MTMR8: variants seen among roughly 807,000 people sequenced by gnomAD.
MTMR8 encodes myotubularin related protein 8.
A neutral mutation model predicts 39.3 loss-of-function variants in MTMR8; 65 were observed. The observed-to-expected ratio is 1.65, with a 90% CI of 1.35 to 2.03. The LOEUF (loss-of-function observed/expected upper bound fraction) is 2.03, where lower values mean the gene tolerates loss of function less well. MTMR8 is among the 30% of genes most tolerant of loss of function. MTMR8 has a pLI of 0.00. For missense variants in MTMR8, 777 were observed against 538.9 expected (o/e 1.44, Z -4.37); for synonymous variants, 245 against 185.2 (o/e 1.32, Z -2.62).
In MTMR8 at chrX:64,280,186, T is replaced by C. The variant is rs190262433; in HGVS notation, c.1482-9113A>G. On this transcript the variant is annotated intron_variant, in intron 12 of 13. Coordinates refer to ENST00000374852, the MANE Select transcript of MTMR8 (RefSeq NM_017677.4). The stretch of plus-strand genomic sequence containing the variant: ...CAATTGAAAAGGAACGACTTCTCCT[T>C]AACTCACTTTATGAGGCCAGCATCA... 2.2e-3 allele frequency among the ~76,000 whole-genome samples: 241 copies of C among 112,009 alleles called. 1 individual carries two copies. The highest frequency in any genetic ancestry group is 3.1e-3 in the Non-Finnish European group (166 of 53,207).
chrX:64,318,094 G>A (rs929613846), intron 12 of MTMR8, among the ~76,000 whole-genome samples: 20 of 112,371 alleles, frequency 1.8e-4, no homozygotes, highest in African/African-American at 6.2e-4. Flanking sequence ...CAAGTGGGGA[G>A]GGGAAGAGTT....
chrX:64,361,547 T>C (rs776164308), intron 1 of MTMR8, among the ~76,000 whole-genome samples: 20 of 111,497 alleles, frequency 1.8e-4, no homozygotes, highest in Admixed American at 1.1e-3. Context: ...AATGTCAACG[T>C]AATACATCAC....
intron 12 of MTMR8, among the ~76,000 whole-genome samples, chrX:64,324,007 A>G (rs1922722476): frequency 8.9e-6 from 1 of 112,931 alleles, no homozygotes; most frequent in Non-Finnish European, 1.9e-5. Context: ...AAAGGAATTA[A>G]ACATTTTAAA....
intron 1 of MTMR8, among the ~76,000 whole-genome samples, chrX:64,380,972 A>T (rs182877750): frequency 8.9e-6 from 1 of 111,867 alleles, no homozygotes; most frequent in Non-Finnish European, 1.9e-5. Flanking sequence ...TATGTGCCAC[A>T]TTTTCTTAAT....
At chrX:64,356,427 G>C in intron 2 of MTMR8, 89 bp from the exon 3 acceptor site, 1 of 838,717 alleles carries the variant, frequency 1.2e-6, no homozygotes, top group African/African-American at 2.0e-5. Context: ...AATGGTAACA[G>C]CATGACCAGA....
intron 12 of MTMR8, among the ~76,000 whole-genome samples, chrX:64,292,823 A>G: frequency 9.0e-6 from 1 of 111,353 alleles, no homozygotes; most frequent in Non-Finnish European, 1.9e-5. Flanking sequence ...ATTGGCTGCC[A>G]TAGTACAAGA....
intron 7 of MTMR8, 68 bp downstream of exon 7, chrX:64,344,977 C>A: frequency 1.8e-6 from 2 of 1,125,472 alleles, no homozygotes; most frequent in Non-Finnish European, 1.2e-6. Context: ...CCAAATCAGG[C>A]ATGCTTTCTG....
At chrX:64,313,956 T>C (rs753063478) in intron 12 of MTMR8, among the ~76,000 whole-genome samples, 1 of 112,257 alleles carries the variant, frequency 8.9e-6, no homozygotes, top group South Asian at 3.7e-4. Context: ...TGTTTTTAAA[T>C]TTTATTCTAT....
At position 64,293,604 on chromosome X, in the gene MTMR8, G is replaced by T. The variant is rs747775169; in HGVS notation, c.1482-22531C>A. On this transcript the variant is annotated intron_variant, in intron 12 of 13. Coordinates refer to ENST00000374852, the MANE Select transcript of MTMR8 (RefSeq NM_017677.4). The stretch of plus-strand genomic sequence containing the variant: ...TGGCAGGGACCCACACCCACATAGG[G>T]ATCTGGTGGTTGCAGAAGGTGGCTA... 2.1e-4 allele frequency among the ~76,000 whole-genome samples: 23 copies of T among 111,356 alleles called. No individual in the cohort carries two copies. In the South Asian group the frequency reaches 3.4e-3, roughly 17 times the overall value.
At chrX:64,297,236 G>C (rs1159529154) in intron 12 of MTMR8, among the ~76,000 whole-genome samples, 2 of 100,325 alleles carry the variant, frequency 2.0e-5, no homozygotes, top group Non-Finnish European at 4.0e-5. Context: ...ATCCTCTCCA[G>C]CACCTGTTGT....
chrX:64,309,281 G>T (rs1032905860), intron 12 of MTMR8, among the ~76,000 whole-genome samples: 1 of 111,670 alleles, frequency 9.0e-6, no homozygotes, highest in African/African-American at 3.3e-5. Flanking sequence ...GATTTCATCA[G>T]ATTTTTATAG....
At chrX:64,367,779 G>T in intron 1 of MTMR8, among the ~76,000 whole-genome samples, 1 of 111,528 alleles carries the variant, frequency 9.0e-6, no homozygotes, top group South Asian at 3.7e-4. Flanking sequence ...GCAAGAGAAA[G>T]AAATAAAGGG....
intron 12 of MTMR8, among the ~76,000 whole-genome samples, chrX:64,283,914 C>T (rs780679425): frequency 1.2e-4 from 14 of 112,183 alleles, no homozygotes; most frequent in South Asian, 1.1e-3. Flanking sequence ...AAAATCAGAG[C>T]GCCTCTCCTT....
rs1931928205 is a variant in MTMR8 at position 64,278,459 on chromosome X, G to GTTTTTT, written c.1482-7387_1482-7386insAAAAAA. 3.4e-4 allele frequency among the ~76,000 whole-genome samples: 17 copies of GTTTTTT among 49,855 alleles called. 7 individuals are homozygous for GTTTTTT. Among genetic ancestry groups the GTTTTTT allele is most frequent in the African/African-American group, 1.9e-3 (17 of 8,740 alleles). The allele number at this position is 49,855 out of a possible 115,157, so 43.3% of individuals were successfully genotyped here. The stretch of plus-strand genomic sequence containing the variant: ...TGATGTTGATGCTATTTATTTTGCT[G>GTTTTTT]GTTTTTTTTTTTTTTTTTTTTTTTT... On this transcript the variant is annotated intron_variant, in intron 12 of 13. Transcript: ENST00000374852.
rs200827474 is a variant in MTMR8 at position 64,391,259 on chromosome X, C to CT, written c.24+4080dup. 7.8e-4 allele frequency among the ~76,000 whole-genome samples: 87 copies of CT among 111,960 alleles called. 1 individual carries two copies. The East Asian group carries it at 0.021, about 27-fold the overall frequency. On this transcript the variant is annotated intron_variant, in intron 1 of 13. Coordinates refer to ENST00000374852, the MANE Select transcript of MTMR8 (RefSeq NM_017677.4). ...TCTACCCACACAAATGTAGAAATTA[C>CT]TTTTTTTGTGTTAAAACATTCCTTA... is the stretch of plus-strand genomic sequence containing the variant.
chrX:64,343,741 G>A (rs779682383), intron 7 of MTMR8, 21 bp from the exon 8 acceptor site: 1 of 1,071,596 alleles, frequency 9.3e-7, no homozygotes, highest in Non-Finnish European at 1.3e-6. Context: ...AAAGGAAGCA[G>A]AGATTGAAAT....
At chrX:64,336,368 G>A (rs1231463309) in intron 9 of MTMR8, among the ~76,000 whole-genome samples, 1 of 110,916 alleles carries the variant, frequency 9.0e-6, no homozygotes, top group Non-Finnish European at 1.9e-5. Flanking sequence ...TTTCACATGT[G>A]TGACAAGCCA....
intron 12 of MTMR8, among the ~76,000 whole-genome samples, chrX:64,280,776 C>T (rs777008356): frequency 3.4e-4 from 38 of 111,499 alleles, no homozygotes; most frequent in African/African-American, 9.5e-4. Context: ...TTGCTGACGA[C>T]ATGATCCTAT....
rs1922783757 is a variant in MTMR8 at position 64,326,106 on chromosome X, A to G, written c.1481+2666T>C. The stretch of plus-strand genomic sequence containing the variant: ...AAGAAAAAATTATTATTAAGAAAAT[A>G]CATCTACTATTAATTAAGGGGACAT... On this transcript the variant is annotated intron_variant, in intron 12 of 13. Transcript: ENST00000374852. Among the ~76,000 whole-genome samples, 3 of 111,922 alleles carry G rather than the reference A, an allele frequency of 2.7e-5. No homozygotes were observed. The Admixed American group carries it at 2.8e-4, about 11-fold the overall frequency.
Sources: gnomAD v4.1 joint callset for allele counts (sites outside exome capture counted in the v4.1 genomes callset) on GRCh38, gnomAD v4.1.1 for gene constraint, MANE v1.5 for transcripts, NCBI Gene and HGNC (gene_info 2026-07-23, HGNC 2026-07-21) for gene names.